Variants in NPFFR2 observed in about 807,000 individuals in gnomAD.
NPFFR2 encodes G-protein coupled receptor 74.
NPFFR2 carries 15 observed loss-of-function variants against 13.1 expected under a neutral mutation model. The observed-to-expected ratio is 1.15, with a 90% CI of 0.77 to 1.76. The LOEUF is 1.76. NPFFR2 is among the 40% of genes most tolerant of loss of function. NPFFR2 has a pLI of 0.00. For missense variants in NPFFR2, 572 were observed against 503.5 expected (o/e 1.14, Z -1.30); for synonymous variants, 190 against 175.7 (o/e 1.08, Z -0.65).
chr4:72,063,053 C>T (rs1397943101), intron 1 of NPFFR2, among the ~76,000 whole-genome samples: 2 of 152,112 alleles, frequency 1.3e-5, no homozygotes, highest in Non-Finnish European at 2.9e-5. Context: ...ACAAACTGAG[C>T]AGTAAGTATA....
chr4:72,104,725 A>G (rs1208611792), intron 1 of NPFFR2, among the ~76,000 whole-genome samples: 1 of 152,056 alleles, frequency 6.6e-6, no homozygotes, highest in Non-Finnish European at 1.5e-5. Flanking sequence ...TAACTCCTGG[A>G]AATCAATTCT....
chr4:72,093,019 C>T (rs1460767512), intron 1 of NPFFR2, among the ~76,000 whole-genome samples: 1 of 151,924 alleles, frequency 6.6e-6, no homozygotes, highest in Non-Finnish European at 1.5e-5. Flanking sequence ...TTTTATAGTT[C>T]TTGTTTGGTA....
chr4:72,085,576 C>T (rs1720744330), intron 1 of NPFFR2, among the ~76,000 whole-genome samples: 1 of 152,084 alleles, frequency 6.6e-6, no homozygotes, highest in Non-Finnish European at 1.5e-5. Flanking sequence ...GCATAATTGC[C>T]TAGGCAAATG....
At chr4:72,125,120 C>T (rs1026032151) in intron 1 of NPFFR2, among the ~76,000 whole-genome samples, 4 of 152,046 alleles carry the variant, frequency 2.6e-5, no homozygotes, top group African/African-American at 4.8e-5. Flanking sequence ...GTGAAGGATA[C>T]GAACAGACAC....
In NPFFR2 at chr4:72,147,689, C is replaced by T. The variant is rs1270461834; in HGVS notation, c.1140C>T (p.Val380=). 6.2e-7 allele frequency: 1 copy of T among 1,614,016 alleles called. No individual in the cohort carries two copies. Among genetic ancestry groups the T allele is most frequent in the South Asian group, 1.1e-5 (1 of 91,042 alleles). Residue 380 remains valine (V), a synonymous_variant, in exon 4 of 4, where the codon GTC becomes GTT. Coordinates refer to ENST00000308744, the MANE Select transcript of NPFFR2 (RefSeq NM_004885.3). Reference sequence around the variant, plus strand: ...TCATAAACACATCTAATCAGCTTGTCCAGGAATCTACATTTCAAAACCCTC... The same window carrying T: ...TCATAAACACATCTAATCAGCTTGTTCAGGAATCTACATTTCAAAACCCTC... The part of the protein sequence containing the change: ...HVLINTSNQL[V]QESTFQNPHG...
chr4:72,060,512 T>C (rs1560398444), intron 1 of NPFFR2, among the ~76,000 whole-genome samples: 1 of 152,142 alleles, frequency 6.6e-6, no homozygotes, highest in African/African-American at 2.4e-5. Context: ...AAGAGGTAGA[T>C]TCCCTCCTCA....
rs116458037 is a variant in NPFFR2, at chr4:72,037,290, C to T, written c.-8+5090C>T. 6.4e-3 allele frequency among the ~76,000 whole-genome samples: 966 copies of T among 150,596 alleles called. 14 individuals are homozygous for T. The highest frequency in any genetic ancestry group is 0.022 in the African/African-American group (920 of 40,990). On this transcript the variant is annotated intron_variant, in intron 1 of 3. Coordinates refer to ENST00000308744, the MANE Select transcript of NPFFR2 (RefSeq NM_004885.3). ...GTACATACCTGTAGTTCTAGCAACT[C>T]GGGAAGTTAAGGTTAAGGTGGGAGG...
At chr4:72,069,077 A>G (rs1262062024) in intron 1 of NPFFR2, 2 of 573,848 alleles carry the variant, frequency 3.5e-6, no homozygotes, top group Non-Finnish European at 2.9e-6. Flanking sequence ...TACCAACACT[A>G]CTTAAGCTAT....
In NPFFR2 at chr4:72,100,504, C is replaced by A. The variant is rs1424394776; in HGVS notation, c.-7-28081C>A. The stretch of plus-strand genomic sequence containing the variant: ...TGTAGCTGTATAAAATTCTTGTTAT[C>A]AGCAGCAAATTTCTGACTCTCTGAT... On this transcript the variant is annotated intron_variant, in intron 1 of 3. Coordinates refer to ENST00000308744, the MANE Select transcript of NPFFR2 (RefSeq NM_004885.3). 2.0e-5 allele frequency among the ~76,000 whole-genome samples: 3 copies of A among 151,992 alleles called. No homozygotes were observed. The East Asian group carries it at 5.8e-4, about 29-fold the overall frequency.
intron 1 of NPFFR2, among the ~76,000 whole-genome samples, chr4:72,072,983 G>GTA (rs1042763411): frequency 6.6e-6 from 1 of 152,012 alleles, no homozygotes; most frequent in African/African-American, 2.4e-5. Flanking sequence ...TGCTTTTAAT[G>GTA]TAAATGAATT....
At chr4:72,088,964 T>G (rs1451450115) in intron 1 of NPFFR2, among the ~76,000 whole-genome samples, 2 of 152,058 alleles carry the variant, frequency 1.3e-5, no homozygotes, top group Non-Finnish European at 1.5e-5. Flanking sequence ...GCGTGTAGTC[T>G]TTTATCCCTC....
chr4:72,048,261 G>A (rs1349671960), intron 1 of NPFFR2, among the ~76,000 whole-genome samples: 6 of 152,060 alleles, frequency 3.9e-5, no homozygotes, highest in African/African-American at 1.4e-4. Context: ...GGAGAAGTGA[G>A]GGAGGAGTCA....
rs897884064 is a variant in NPFFR2 at position 72,045,643 on chromosome 4, G to T, written c.-8+13443G>T. On this transcript the variant is annotated intron_variant, in intron 1 of 3. Transcript: ENST00000308744. ...GCCTAGCCTACCAGAAACATGCTCA[G>T]AAAACTTACATTAGCCTACAGTTGG... Among the ~76,000 whole-genome samples, 11 of 152,260 alleles carry T rather than the reference G, an allele frequency of 7.2e-5. No individual in the cohort carries two copies. The East Asian group carries it at 2.1e-3, about 29-fold the overall frequency.
chr4:72,088,974 C>T lies in NPFFR2; in HGVS notation c.-7-39611C>T, dbSNP rs554943852. ...ACCCAGCGTGTAGTCTTTTATCCCT[C>T]AACCCTCTCCCACCCTTTCCACTGA... On this transcript the variant is annotated intron_variant, in intron 1 of 3. Transcript: ENST00000308744. Among the ~76,000 whole-genome samples, 55 of 151,998 alleles carry T rather than the reference C, an allele frequency of 3.6e-4. 1 individual carries two copies. The highest frequency in any genetic ancestry group is 6.6e-4 in the Non-Finnish European group (45 of 67,964).
intron 1 of NPFFR2, among the ~76,000 whole-genome samples, chr4:72,056,918 A>G (rs1389493895): frequency 6.6e-6 from 1 of 151,950 alleles, no homozygotes; most frequent in Non-Finnish European, 1.5e-5. Flanking sequence ...CTTATGGATA[A>G]GCAAAGAGAG....
At chr4:72,137,130 T>C (rs1031597784) in intron 2 of NPFFR2, among the ~76,000 whole-genome samples, 1 of 148,608 alleles carries the variant, frequency 6.7e-6, no homozygotes, top group African/African-American at 2.4e-5. Flanking sequence ...CAAGCATTTA[T>C]TATAATATGA....
intron 1 of NPFFR2, among the ~76,000 whole-genome samples, chr4:72,071,077 T>C (rs1456495110): frequency 1.3e-5 from 2 of 152,138 alleles, no homozygotes; most frequent in Non-Finnish European, 2.9e-5. Context: ...GAACATTGAC[T>C]GAGAAAAAAA....
chr4:72,145,057 A>T (rs918168909), intron 3 of NPFFR2, among the ~76,000 whole-genome samples: 8 of 152,114 alleles, frequency 5.3e-5, no homozygotes, highest in Admixed American at 5.2e-4. Flanking sequence ...ATGAAGTCCA[A>T]ACTTTTTAGC....
At chr4:72,106,320 C>T (rs1721417785) in intron 1 of NPFFR2, among the ~76,000 whole-genome samples, 1 of 151,832 alleles carries the variant, frequency 6.6e-6, no homozygotes, top group Non-Finnish European at 1.5e-5. Context: ...TCTTTCTGGA[C>T]AAAAGATGCA....
Sources: gnomAD v4.1 joint callset for allele counts (sites outside exome capture counted in the v4.1 genomes callset) on GRCh38, gnomAD v4.1.1 for gene constraint, MANE v1.5 for transcripts, NCBI Gene and HGNC (gene_info 2026-07-23, HGNC 2026-07-21) for gene names.